RCAN3: variants seen among roughly 807,000 people sequenced by gnomAD.
RCAN3 encodes the protein regulator of calcineurin 3.
In RCAN3, 19 loss-of-function variants were observed where a neutral mutation model predicts 21.9. The observed-to-expected ratio is 0.87, with a 90% CI of 0.61 to 1.27. The LOEUF (loss-of-function observed/expected upper bound fraction) is 1.27, where lower values mean the gene tolerates loss of function less well. RCAN3 is among the 50% of genes most tolerant of loss of function. RCAN3 has a pLI of 0.00. For synonymous variants in RCAN3, 114 were observed against 112.3 expected, an observed-to-expected ratio of 1.01 and a Z score of -0.09; for missense variants, 240 against 300.1, an observed-to-expected ratio of 0.80 and a Z score of 1.48.
intron 2 of RCAN3, among the ~76,000 whole-genome samples, chr1:24,523,462 A>T (rs1648982042): frequency 6.6e-6 from 1 of 152,114 alleles, no homozygotes; most frequent in Non-Finnish European, 1.5e-5. Context: ...TCCAAAATCA[A>T]CTGTCTCTGT....
upstream of RCAN3, among the ~76,000 whole-genome samples, chr1:24,502,679 C>T (rs917120569): frequency 6.6e-6 from 1 of 151,734 alleles, no homozygotes; most frequent in Non-Finnish European, 1.5e-5. Flanking sequence ...CCCAAGCCCC[C>T]CACAGGCTGG....
rs78157388 is a variant in RCAN3, at chr1:24,504,216, C to T, written c.-60+1066C>T. On this transcript the variant is annotated intron_variant, in intron 1 of 4. Transcript: ENST00000374395. ...TCTTTTCTTCTTTTTGAGACAAGGC[C>T]TCGCTCTGTCATCCAGCTGAAGTGC... Among the ~76,000 whole-genome samples the T allele has an allele frequency of 4.3e-4, 66 of 152,296 alleles. 1 individual carries two copies. Among genetic ancestry groups the T allele is most frequent in the Non-Finnish European group, 7.8e-4 (53 of 68,012 alleles).
chr1:24,519,847 A>G (rs995277961), intron 2 of RCAN3, among the ~76,000 whole-genome samples: 3 of 152,248 alleles, frequency 2.0e-5, no homozygotes, highest in Admixed American at 6.5e-5. Flanking sequence ...AATAGTACGT[A>G]GGAGATTTAA....
chr1:24,535,317 TCTGGC>T lies in RCAN3; in HGVS notation c.*42_*46del. The T allele has an allele frequency of 6.7e-7, 1 of 1,500,726 alleles. No homozygotes were observed. The highest frequency in any genetic ancestry group is 1.4e-5 in the South Asian group (1 of 69,488). The allele number at this position is 1,500,726 out of a possible 1,614,324, so 93.0% of individuals were successfully genotyped here. The stretch of plus-strand genomic sequence containing the variant: ...GTGCGAGGCGGCTGCCCTGGTGGGC[TCTGGC>T]CATGGCGCTCTGTGCCTGCGGCCGA... On this transcript the variant is annotated 3_prime_UTR_variant, in exon 5 of 5. Coordinates refer to ENST00000374395, the MANE Select transcript of RCAN3 (RefSeq NM_013441.4).
chr1:24,523,951 C>T lies in RCAN3; in HGVS notation c.196-7267C>T, dbSNP rs552829297. ...TTTAAAATTTTATATATTGGCCAGG[C>T]GTGGTGGCACAGGCCTGTAATCCCA... On this transcript the variant is annotated intron_variant, in intron 2 of 4. Transcript: ENST00000374395. 4.6e-5 allele frequency among the ~76,000 whole-genome samples: 7 copies of T among 152,200 alleles called. No homozygotes were observed. The South Asian group carries it at 8.3e-4, about 18-fold the overall frequency.
chr1:24,538,562 G>C lies in RCAN3; in HGVS notation c.*3285G>C, dbSNP rs58478223. 5 of 141,010 alleles carry C rather than the reference G, an allele frequency of 3.5e-5. No individual in the cohort carries two copies. Among genetic ancestry groups the C allele is most frequent in the African/African-American group, 1.1e-4 (4 of 36,504 alleles). 8.7% of individuals were successfully genotyped at this position (141,010 alleles called of 1,614,324 possible). A position where few individuals can be genotyped will look rare whatever the true frequency, so the allele number is the denominator to read the frequency against. ...TGGGACTACAGGCGCCCGCTCCCACGCCCGGCTAATTTTTTTTTTTTTTTT... is the reference window on the plus strand; with the variant it reads ...TGGGACTACAGGCGCCCGCTCCCACCCCCGGCTAATTTTTTTTTTTTTTTT... On this transcript the variant is annotated 3_prime_UTR_variant, in exon 5 of 5. Transcript: ENST00000374395.
intron 1 of RCAN3, among the ~76,000 whole-genome samples, chr1:24,509,142 C>T (rs1251286524): frequency 6.6e-6 from 1 of 152,168 alleles, no homozygotes; most frequent in Non-Finnish European, 1.5e-5. Context: ...GTCTGGGCAA[C>T]AGAGTGAGAC....
chr1:24,535,283 T>C lies in RCAN3; in HGVS notation c.*6T>C. 6.5e-7 allele frequency: 1 copy of C among 1,527,688 alleles called. No individual in the cohort carries two copies. The allele number at this position is 1,527,688 out of a possible 1,614,324, so 94.6% of individuals were successfully genotyped here. A position where few individuals can be genotyped will look rare whatever the true frequency, so the allele number is the denominator to read the frequency against. The stretch of plus-strand genomic sequence containing the variant: ...CCTTTGATTGCGCGCTGTGAGGCCC[T>C]TGGTTGTGGTGCGAGGCGGCTGCCC... On this transcript the variant is annotated 3_prime_UTR_variant, in exon 5 of 5. Coordinates refer to ENST00000374395, the MANE Select transcript of RCAN3 (RefSeq NM_013441.4).
At chr1:24,519,884 G>A (rs985151693) in intron 2 of RCAN3, among the ~76,000 whole-genome samples, 1 of 152,166 alleles carries the variant, frequency 6.6e-6, no homozygotes, top group Admixed American at 6.5e-5. Context: ...CAGATACACT[G>A]GCCTAAATTC....
At chr1:24,513,568 A>G (rs1033387142) in intron 1 of RCAN3, among the ~76,000 whole-genome samples, 1 of 151,862 alleles carries the variant, frequency 6.6e-6, no homozygotes, top group Non-Finnish European at 1.5e-5. Context: ...GAGGCATGAA[A>G]ATCGCTTGAA....
At chr1:24,532,487 A>G (rs1018658855) in intron 3 of RCAN3, among the ~76,000 whole-genome samples, 3 of 150,122 alleles carry the variant, frequency 2.0e-5, no homozygotes, top group Non-Finnish European at 3.0e-5. Context: ...TCGGCCTCCC[A>G]AAGTGCTGGG....
At chr1:24,509,097 G>A (rs1647687557) in intron 1 of RCAN3, among the ~76,000 whole-genome samples, 1 of 152,168 alleles carries the variant, frequency 6.6e-6, no homozygotes, top group Admixed American at 6.5e-5. Flanking sequence ...GGAAGGTCAA[G>A]GCTACAGTGA....
Position 24,535,471 on chromosome 1 carries a change from T to G in RCAN3, c.*194T>G. On this transcript the variant is annotated 3_prime_UTR_variant, in exon 5 of 5. Coordinates refer to ENST00000374395, the MANE Select transcript of RCAN3 (RefSeq NM_013441.4). Reference sequence around the variant, plus strand: ...GATTTGACCTGTCCCAGATTTTAAGTGATATTCCAAAAGGGACTTTACATT... The same window carrying G: ...GATTTGACCTGTCCCAGATTTTAAGGGATATTCCAAAAGGGACTTTACATT... 2.1e-6 allele frequency: 1 copy of G among 474,202 alleles called. No homozygotes were observed. Among genetic ancestry groups the G allele is most frequent in the East Asian group, 3.5e-5 (1 of 28,208 alleles). The allele number at this position is 474,202 out of a possible 1,614,324, so 29.4% of individuals were successfully genotyped here.
chr1:24,525,025 G>A lies in RCAN3; in HGVS notation c.196-6193G>A, dbSNP rs1474676400. On this transcript the variant is annotated intron_variant, in intron 2 of 4. Transcript: ENST00000374395. The surrounding 1 kb of genome is among the most constrained non-coding windows in gnomAD (Gnocchi z 4.1). Reference sequence around the variant, plus strand: ...TTTTTTTTCAGTCCAAAGCAAAGGTGTGTGGCAAAATCATGTTCCCAGTTT... The same window carrying A: ...TTTTTTTTCAGTCCAAAGCAAAGGTATGTGGCAAAATCATGTTCCCAGTTT... Among the ~76,000 whole-genome samples the A allele has an allele frequency of 1.3e-5, 2 of 151,768 alleles. No individual in the cohort carries two copies. Among genetic ancestry groups the A allele is most frequent in the Non-Finnish European group, 2.9e-5 (2 of 67,962 alleles).
At chr1:24,505,828 T>G (rs56260815) in intron 1 of RCAN3, among the ~76,000 whole-genome samples, 2,055 of 152,314 alleles carry the variant, frequency 0.013, 56 homozygotes, top group African/African-American at 0.047. Flanking sequence ...TTGGGAAGCC[T>G]ATTAATTTGA....
At chr1:24,506,869 T>G (rs566050885) in intron 1 of RCAN3, among the ~76,000 whole-genome samples, 3 of 152,088 alleles carry the variant, frequency 2.0e-5, no homozygotes, top group Admixed American at 6.6e-5. Context: ...CAAGAATAGG[T>G]TGACTTTCTC....
At position 24,535,586 on chromosome 1, in the gene RCAN3, A is replaced by G. The variant is rs998937215; in HGVS notation, c.*309A>G. The G allele has an allele frequency of 1.8e-5, 5 of 275,078 alleles. No individual in the cohort carries two copies. Among genetic ancestry groups the G allele is most frequent in the Admixed American group, 1.1e-4 (2 of 18,800 alleles). 17.0% of individuals were successfully genotyped at this position (275,078 alleles called of 1,614,324 possible). A position where few individuals can be genotyped will look rare whatever the true frequency, so the allele number is the denominator to read the frequency against. On this transcript the variant is annotated 3_prime_UTR_variant, in exon 5 of 5. Transcript: ENST00000374395. ...CAGCTCCCCTCCCCTCCAGCCATGTAAGTCCTCCTGATTCTGTATCACATG... is the reference window on the plus strand; with the variant it reads ...CAGCTCCCCTCCCCTCCAGCCATGTGAGTCCTCCTGATTCTGTATCACATG...
At chr1:24,518,034 A>C (rs1648481344) in intron 2 of RCAN3, among the ~76,000 whole-genome samples, 1 of 151,578 alleles carries the variant, frequency 6.6e-6, no homozygotes. Flanking sequence ...ATTTCAAAAA[A>C]TAATTTCTGG....
intron 1 of RCAN3, among the ~76,000 whole-genome samples, chr1:24,504,136 CAGCTTTACAT>C (rs1305591932): frequency 4.6e-5 from 7 of 152,214 alleles, no homozygotes; most frequent in Non-Finnish European, 7.3e-5. Context: ...GCCAGGTCAT[CAGCTTTACAT>C]TTTACTGCAT....
Sources: allele counts gnomAD v4.1 joint callset (sites outside exome capture counted in the v4.1 genomes callset), GRCh38; gene constraint gnomAD v4.1.1; non-coding constraint Gnocchi (gnomAD v3.1); transcripts MANE v1.5; gene names NCBI Gene and HGNC (gene_info 2026-07-23, HGNC 2026-07-21).